Variants in SVOP observed in about 807,000 individuals in gnomAD.
The protein encoded by SVOP is synaptic vesicle 2-related protein.
SVOP carries 17 observed loss-of-function variants against 69.1 expected under a neutral mutation model. The ratio of observed to expected loss-of-function variants is 0.25; its 90% CI spans 0.17 to 0.37. The LOEUF (loss-of-function observed/expected upper bound fraction) is 0.37, where lower values mean the gene tolerates loss of function less well. Among genes scored for constraint, SVOP ranks in the 10% least tolerant of loss-of-function variants. The pLI is 1.00. For missense variants in SVOP, 435 were observed against 597.5 expected (o/e 0.73, Z 2.84); for synonymous variants, 238 against 238.6 (o/e 1.00, Z 0.02).
intron 1 of SVOP, among the ~76,000 whole-genome samples, chr12:109,013,168 T>G (rs2040351102): frequency 6.6e-6 from 1 of 152,146 alleles, no homozygotes; most frequent in Non-Finnish European, 1.5e-5. Flanking sequence ...GACAGCAATA[T>G]CCCACACACT....
intron 1 of SVOP, among the ~76,000 whole-genome samples, chr12:109,014,972 G>A (rs1593211354): frequency 6.6e-6 from 1 of 152,090 alleles, no homozygotes; most frequent in African/African-American, 2.4e-5. Flanking sequence ...CATTCCTCTC[G>A]CATTGGTCTC....
chr12:109,020,213 G>A (rs1320005626), intron 1 of SVOP, among the ~76,000 whole-genome samples: 1 of 152,066 alleles, frequency 6.6e-6, no homozygotes, highest in Non-Finnish European at 1.5e-5. Context: ...TATTCCTGAT[G>A]TTCCGACAGT....
At chr12:108,939,015 C>T in intron 8 of SVOP, 60 bp from the exon 9 acceptor site, 3 of 1,610,598 alleles carry the variant, frequency 1.9e-6, no homozygotes, top group South Asian at 2.2e-5. Flanking sequence ...AGAGCACTCG[C>T]TTCTAGCCAC....
rs370893346 is a variant in SVOP at position 108,937,355 on chromosome 12, C to A, written c.898-18G>T. The A allele has an allele frequency of 6.2e-6, 10 of 1,612,968 alleles. No homozygotes were observed. The highest frequency in any genetic ancestry group is 7.6e-6 in the Non-Finnish European group (9 of 1,179,016). On this transcript the variant is annotated intron_variant, in intron 9 of 15. Transcript: ENST00000610966. ...CGGTCTTCCTGTTTCAAAACAAGGA[C>A]ATAGTGTTTATTCTCTCCCCTACAG...
rs11114093 is a variant in SVOP, at chr12:108,908,535, C to G, written c.*4000G>C. The G allele has an allele frequency of 6.6e-6, 1 of 151,962 alleles. No homozygotes were observed. Among genetic ancestry groups the G allele is most frequent in the Non-Finnish European group, 1.5e-5 (1 of 67,998 alleles). 9.4% of individuals were successfully genotyped at this position (151,962 alleles called of 1,614,324 possible). A position where few individuals can be genotyped will look rare whatever the true frequency, so the allele number is the denominator to read the frequency against. On this transcript the variant is annotated 3_prime_UTR_variant, in exon 16 of 16. Transcript: ENST00000610966. ...CATCAGCTGGAAGGGAGTTGCAGCC[C>G]CCCCCTGCAGACAGGGCTGGTGTTT...
At chr12:108,963,010 C>A (rs1277942594) in intron 5 of SVOP, among the ~76,000 whole-genome samples, 1 of 151,944 alleles carries the variant, frequency 6.6e-6, no homozygotes, top group Non-Finnish European at 1.5e-5. Context: ...GGCACATATT[C>A]CTGGAGTGTT....
At chr12:108,990,550 C>T (rs960909493) in intron 1 of SVOP, among the ~76,000 whole-genome samples, 1 of 151,368 alleles carries the variant, frequency 6.6e-6, no homozygotes, top group African/African-American at 2.4e-5. Flanking sequence ...AGGAGATATA[C>T]CTAATGTAAA....
intron 11 of SVOP, among the ~76,000 whole-genome samples, chr12:108,933,468 A>T (rs2039835144): frequency 6.6e-6 from 1 of 151,764 alleles, no homozygotes; most frequent in Admixed American, 6.6e-5. Context: ...ATCTGAGGTC[A>T]GGAGTTTGAG....
intron 11 of SVOP, among the ~76,000 whole-genome samples, chr12:108,927,898 C>CA (rs1399300084): frequency 2.6e-4 from 39 of 148,086 alleles, no homozygotes; most frequent in African/African-American, 9.4e-4. Flanking sequence ...GCTCAGCTGA[C>CA]AAAAAACTCT....
intron 6 of SVOP, 59 bp downstream of exon 6, chr12:108,960,864 A>G (rs2040014038): frequency 2.6e-6 from 4 of 1,522,380 alleles, no homozygotes; most frequent in Non-Finnish European, 3.5e-6. Flanking sequence ...GATCCAGACC[A>G]TGAACAGACA....
intron 6 of SVOP, among the ~76,000 whole-genome samples, chr12:108,958,301 G>A (rs2039996875): frequency 8.6e-6 from 1 of 116,122 alleles, no homozygotes; most frequent in Admixed American, 8.2e-5. Flanking sequence ...ACCATGCCTG[G>A]CCTTTTTTTT....
At chr12:109,007,857 G>A (rs1262370322) in intron 1 of SVOP, among the ~76,000 whole-genome samples, 2 of 152,140 alleles carry the variant, frequency 1.3e-5, no homozygotes, top group South Asian at 2.1e-4. Context: ...GGGCAACATG[G>A]CAAGACCATG....
chr12:109,014,416 C>T (rs564804662), intron 1 of SVOP, among the ~76,000 whole-genome samples: 10 of 152,242 alleles, frequency 6.6e-5, no homozygotes, highest in Middle Eastern at 3.4e-3. Context: ...AGCAATATTG[C>T]ACAATGGAAT....
intron 1 of SVOP, among the ~76,000 whole-genome samples, chr12:109,014,152 A>AGG (rs1347552639): frequency 7.6e-4 from 115 of 151,468 alleles, no homozygotes; most frequent in African/African-American, 2.7e-3. Flanking sequence ...AGTAGCTGGG[A>AGG]TTACAGGTGC....
intron 6 of SVOP, 61 bp from the exon 7 acceptor site, chr12:108,945,227 C>T: frequency 6.7e-7 from 1 of 1,497,730 alleles, no homozygotes; most frequent in Non-Finnish European, 9.0e-7. Context: ...AAAATGGCTA[C>T]CGTTTTCTGA....
chr12:108,925,470 C>G (rs2039774724), intron 11 of SVOP, among the ~76,000 whole-genome samples: 1 of 152,174 alleles, frequency 6.6e-6, no homozygotes, highest in South Asian at 2.1e-4. Context: ...ACCTCTCCAC[C>G]CAGCCATGGT....
At chr12:108,974,465 T>C (rs933451208) in intron 4 of SVOP, among the ~76,000 whole-genome samples, 1 of 152,204 alleles carries the variant, frequency 6.6e-6, no homozygotes, top group Non-Finnish European at 1.5e-5. Context: ...AATGTATGTA[T>C]TCTGTCACAG....
At chr12:108,913,441 T>A (rs1277353166) in intron 15 of SVOP, among the ~76,000 whole-genome samples, 4 of 152,162 alleles carry the variant, frequency 2.6e-5, no homozygotes, top group Non-Finnish European at 5.9e-5. Flanking sequence ...TTCATCCCCA[T>A]TTTACAAAGG....
At chr12:108,975,486 A>T (rs1034539099) in intron 4 of SVOP, among the ~76,000 whole-genome samples, 1 of 152,194 alleles carries the variant, frequency 6.6e-6, no homozygotes, top group Non-Finnish European at 1.5e-5. Context: ...GGGCTTGTGC[A>T]AGTCAATGCC....
Sources: allele counts gnomAD v4.1 joint callset (sites outside exome capture counted in the v4.1 genomes callset), GRCh38; gene constraint gnomAD v4.1.1; transcripts MANE v1.5; gene names NCBI Gene and HGNC (gene_info 2026-07-23, HGNC 2026-07-21).